Variants in RBFOX1 observed in about 807,000 individuals in gnomAD.
RBFOX1 encodes the protein RNA binding protein fox-1 homolog 1.
RBFOX1 carries 8 observed loss-of-function variants against 57.7 expected under a neutral mutation model. The ratio of observed to expected loss-of-function variants is 0.14; its 90% CI spans 0.08 to 0.25. The LOEUF (loss-of-function observed/expected upper bound fraction) is 0.25, where lower values mean the gene tolerates loss of function less well. RBFOX1 is among the 10% of genes least tolerant of loss of function. The pLI is 1.00. For synonymous variants in RBFOX1, 326 were observed against 222.4 expected (o/e 1.47, Z -4.15); for missense variants, 611 against 548.5 (o/e 1.11, Z -1.14).
At chr16:7,145,426 T>G (rs1011830585) in intron 4 of RBFOX1, among the ~76,000 whole-genome samples, 1 of 152,254 alleles carries the variant, frequency 6.6e-6, no homozygotes, top group African/African-American at 2.4e-5. Flanking sequence ...AGTCTGGTCT[T>G]GAACTCCTGA....
At chr16:6,925,410 C>G (rs528891468) in intron 3 of RBFOX1, among the ~76,000 whole-genome samples, 1 of 151,798 alleles carries the variant, frequency 6.6e-6, no homozygotes, top group Non-Finnish European at 1.5e-5. Context: ...TAGGAGTGAG[C>G]CACTGCACCC....
intron 3 of RBFOX1, among the ~76,000 whole-genome samples, chr16:6,816,758 G>T (rs12596757): frequency 0.013 from 1,909 of 146,496 alleles, 53 homozygotes; most frequent in African/African-American, 0.046. Flanking sequence ...AAAAAAGGAA[G>T]AAAAGAAACA....
chr16:5,948,783 C>T (rs891932670), intron 4 of RBFOX1, among the ~76,000 whole-genome samples: 3 of 152,130 alleles, frequency 2.0e-5, no homozygotes, highest in African/African-American at 7.2e-5. Flanking sequence ...GAATAATCTC[C>T]TGTTGTTTTA....
At chr16:6,356,896 A>G (rs2087423577) in intron 2 of RBFOX1, among the ~76,000 whole-genome samples, 1 of 152,188 alleles carries the variant, frequency 6.6e-6, no homozygotes, top group Non-Finnish European at 1.5e-5. Flanking sequence ...TTTTTTCTGT[A>G]AATCCAAAAG....
intron 3 of RBFOX1, among the ~76,000 whole-genome samples, chr16:5,699,169 G>A (rs1215116175): frequency 3.3e-5 from 5 of 151,842 alleles, no homozygotes; most frequent in African/African-American, 1.2e-4. Context: ...TGTATTTTTA[G>A]TAGAGATGAG....
intron 4 of RBFOX1, among the ~76,000 whole-genome samples, chr16:7,257,869 G>T (rs1366614207): frequency 1.3e-5 from 2 of 152,188 alleles, no homozygotes; most frequent in East Asian, 1.9e-4. Flanking sequence ...GCTGGATTCT[G>T]TTACTCTTTG....
At chr16:5,550,535 C>G (rs1179954304) in intron 2 of RBFOX1, among the ~76,000 whole-genome samples, 2 of 152,234 alleles carry the variant, frequency 1.3e-5, no homozygotes, top group South Asian at 2.1e-4. Context: ...AACAGATGCC[C>G]AGACATTGTT....
At chr16:6,014,406 C>T (rs765593458), upstream of RBFOX1, among the ~76,000 whole-genome samples, 2 of 152,156 alleles carry the variant, frequency 1.3e-5, no homozygotes, top group African/African-American at 2.4e-5. Context: ...GCAAAAGTTG[C>T]TGTCTTTTCA....
At chr16:7,187,658 C>T (rs1283951110) in intron 4 of RBFOX1, among the ~76,000 whole-genome samples, 1 of 119,422 alleles carries the variant, frequency 8.4e-6, no homozygotes, top group African/African-American at 3.2e-5. Context: ...CACTGCAGTC[C>T]AGCCTGGGCA....
chr16:6,905,631 A>G (rs553475705), intron 3 of RBFOX1, among the ~76,000 whole-genome samples: 13 of 152,054 alleles, frequency 8.5e-5, no homozygotes, highest in East Asian at 1.9e-4. Flanking sequence ...GTTTATTCCA[A>G]TTTTCCCCGT....
At chr16:7,207,002 G>C (rs1215587499) in intron 4 of RBFOX1, among the ~76,000 whole-genome samples, 1 of 152,152 alleles carries the variant, frequency 6.6e-6, no homozygotes, top group Non-Finnish European at 1.5e-5. Context: ...TTAGCCCCTT[G>C]CAGCTCAGTG....
chr16:6,214,729 G>C (rs185858772), intron 1 of RBFOX1, among the ~76,000 whole-genome samples: 1 of 123,880 alleles, frequency 8.1e-6, no homozygotes, highest in Admixed American at 8.1e-5. Context: ...AGGAGAGAGG[G>C]AGAAGGAGAG....
chr16:7,164,972 A>C (rs1043970832), intron 4 of RBFOX1, among the ~76,000 whole-genome samples: 1 of 152,068 alleles, frequency 6.6e-6, no homozygotes, highest in Non-Finnish European at 1.5e-5. Flanking sequence ...TATCACAGTA[A>C]CCTCTCCCTG....
intron 2 of RBFOX1, among the ~76,000 whole-genome samples, chr16:5,548,282 C>A (rs954590071): frequency 6.7e-6 from 1 of 148,726 alleles, no homozygotes; most frequent in African/African-American, 2.5e-5. Flanking sequence ...GTACTATGCT[C>A]ACTGCCTGGG....
At chr16:5,590,870 G>A (rs570500960) in intron 2 of RBFOX1, among the ~76,000 whole-genome samples, 6 of 152,248 alleles carry the variant, frequency 3.9e-5, no homozygotes, top group South Asian at 4.2e-4. Flanking sequence ...GAGGGGTACT[G>A]GTGGCTTGCA....
At chr16:6,570,943 T>C (rs1253855058) in intron 2 of RBFOX1, among the ~76,000 whole-genome samples, 1 of 152,198 alleles carries the variant, frequency 6.6e-6, no homozygotes, top group African/African-American at 2.4e-5. Flanking sequence ...ATATTGCTCA[T>C]TAATCAGAGG....
chr16:7,532,158 G>C (rs369876299), intron 5 of RBFOX1, among the ~76,000 whole-genome samples: 48 of 144,284 alleles, frequency 3.3e-4, no homozygotes, highest in African/African-American at 1.2e-3. Flanking sequence ...ACTAAGAAAA[G>C]CAACGGTAGG....
At chr16:6,925,109 G>GTTTTTTTTTTTTTTTTTTT (rs57556084) in intron 3 of RBFOX1, among the ~76,000 whole-genome samples, 2 of 45,250 alleles carry the variant, frequency 4.4e-5, no homozygotes, top group African/African-American at 1.8e-4. Flanking sequence ...TAGGTTGTTG[G>GTTTTTTTTTTTTTTTTTTT]TTTTTTTTTT....
intron 1 of RBFOX1, among the ~76,000 whole-genome samples, chr16:6,270,553 A>C (rs2075088750): frequency 6.6e-6 from 1 of 152,144 alleles, no homozygotes; most frequent in African/African-American, 2.4e-5. Context: ...CTAAATGTGC[A>C]CTCATTAAAC....
Sources: gnomAD v4.1 joint callset for allele counts (sites outside exome capture counted in the v4.1 genomes callset) on GRCh38, gnomAD v4.1.1 for gene constraint, MANE v1.5 for transcripts, NCBI Gene and HGNC (gene_info 2026-07-23, HGNC 2026-07-21) for gene names.